Variants in ARFGEF3 observed in about 807,000 individuals in gnomAD.
The protein encoded by ARFGEF3 is ARFGEF family member 3.
Under a neutral mutation model 221.7 loss-of-function variants are expected in ARFGEF3, and 96 were observed. The ratio of observed to expected loss-of-function variants is 0.43; its 90% CI spans 0.37 to 0.51. The LOEUF (loss-of-function observed/expected upper bound fraction) is 0.51. Ranked by LOEUF, ARFGEF3 falls within the 20% of genes least tolerant of loss-of-function variation. ARFGEF3 has a pLI of 0.00. For synonymous variants in ARFGEF3, 1,145 were observed against 1,126.8 expected (o/e 1.02, Z -0.32); for missense variants, 2,410 against 2,789.9 (o/e 0.86, Z 3.07).
At chr6:138,212,292 C>CCAACT (rs1777744354) in intron 4 of ARFGEF3, among the ~76,000 whole-genome samples, 1 of 152,180 alleles carries the variant, frequency 6.6e-6, no homozygotes, top group African/African-American at 2.4e-5. Context: ...ATTTGGGAGG[C>CCAACT]CAAGGCAGGG....
intron 2 of ARFGEF3, among the ~76,000 whole-genome samples, chr6:138,193,305 C>T (rs892342210): frequency 6.6e-6 from 1 of 152,182 alleles, no homozygotes; most frequent in African/African-American, 2.4e-5. Context: ...TTTATGAAGA[C>T]ACTTGCATTT....
chr6:138,334,707 GC>G lies in ARFGEF3; in HGVS notation c.5862del (p.Phe1955SerfsTer23). Reference sequence around the variant, plus strand: ...GAGTCATCCACCCCATCCACCGGGGGCTTCTCTGGGAAAGAAACCCCTTCCG... The same window carrying G: ...GAGTCATCCACCCCATCCACCGGGGGTTCTCTGGGAAAGAAACCCCTTCCG... ...QSESSTPSTG[G>X]FSGKETPSED... On this transcript the variant is annotated frameshift_variant, in exon 33 of 34. Transcript: ENST00000251691. LOFTEE classifies it high-confidence loss of function. This position sits in a 1 kb window ranked among gnomAD's most constrained non-coding sequence, Gnocchi z 5.1. The G allele has an allele frequency of 6.2e-7, 1 of 1,610,318 alleles. No individual in the cohort carries two copies. Among genetic ancestry groups the G allele is most frequent in the Non-Finnish European group, 8.5e-7 (1 of 1,177,110 alleles).
At chr6:138,320,915 C>A (rs1780011933) in intron 28 of ARFGEF3, among the ~76,000 whole-genome samples, 196 bp from the exon 29 acceptor site, 1 of 142,412 alleles carries the variant, frequency 7.0e-6, no homozygotes, top group South Asian at 2.3e-4. Flanking sequence ...GGTAAAAATC[C>A]AAGAAAATTA....
chr6:138,268,240 T>C (rs938479872), intron 12 of ARFGEF3, among the ~76,000 whole-genome samples: 2 of 152,170 alleles, frequency 1.3e-5, no homozygotes, highest in African/African-American at 4.8e-5. Flanking sequence ...CCTTTGTTCC[T>C]CTAAGAGAAA....
intron 32 of ARFGEF3, 96 bp downstream of exon 32, chr6:138,328,238 A>G: frequency 7.3e-7 from 1 of 1,365,796 alleles, no homozygotes; most frequent in Non-Finnish European, 9.7e-7. Context: ...TTGGCCAGAA[A>G]TACTGAAAAC....
chr6:138,278,692 C>T, intron 13 of ARFGEF3, 75 bp downstream of exon 13: 1 of 1,505,750 alleles, frequency 6.6e-7, no homozygotes, highest in Middle Eastern at 1.8e-4. Flanking sequence ...GCCTCAGTGC[C>T]CTGAGTGGGA....
At chr6:138,310,962 C>T (rs1291537430) in intron 24 of ARFGEF3, among the ~76,000 whole-genome samples, 1 of 152,194 alleles carries the variant, frequency 6.6e-6, no homozygotes, top group Non-Finnish European at 1.5e-5. Context: ...GAGAGAAGCG[C>T]TTCATTCCAG....
chr6:138,194,465 T>A (rs1018218087), intron 2 of ARFGEF3, among the ~76,000 whole-genome samples: 1 of 152,138 alleles, frequency 6.6e-6, no homozygotes, highest in Non-Finnish European at 1.5e-5. Context: ...ATTTTCATCA[T>A]GAAAAAAATC....
intron 10 of ARFGEF3, among the ~76,000 whole-genome samples, chr6:138,258,212 T>G (rs1263700724): frequency 6.6e-6 from 1 of 152,226 alleles, no homozygotes; most frequent in Non-Finnish European, 1.5e-5. Context: ...GTGACTGATC[T>G]GCTTTGTTCA....
At chr6:138,251,001 C>T (rs1186440750) in intron 8 of ARFGEF3, among the ~76,000 whole-genome samples, 2 of 152,160 alleles carry the variant, frequency 1.3e-5, no homozygotes, top group Non-Finnish European at 2.9e-5. Flanking sequence ...AAGGTGCTTA[C>T]GTTTTAAACA....
At chr6:138,312,146 ACT>A (rs776543259) in intron 25 of ARFGEF3, among the ~76,000 whole-genome samples, 1 of 151,942 alleles carries the variant, frequency 6.6e-6, no homozygotes, top group Non-Finnish European at 1.5e-5. Flanking sequence ...ACAGAGCAAG[ACT>A]CTGTCTCAAA....
At chr6:138,215,544 C>T (rs1360393327) in intron 4 of ARFGEF3, among the ~76,000 whole-genome samples, 1 of 152,058 alleles carries the variant, frequency 6.6e-6, no homozygotes. Context: ...GTGAAATGAC[C>T]AGGGCAGTAT....
chr6:138,261,280 C>A (rs1338211559), intron 10 of ARFGEF3, among the ~76,000 whole-genome samples: 2 of 152,174 alleles, frequency 1.3e-5, no homozygotes. Context: ...TTTCAACAAT[C>A]CCTCTGATCA....
At chr6:138,245,174 C>T (rs967627769) in intron 7 of ARFGEF3, among the ~76,000 whole-genome samples, 42 of 152,050 alleles carry the variant, frequency 2.8e-4, no homozygotes, top group African/African-American at 5.1e-4. Flanking sequence ...TGGTGGCAGG[C>T]GCCTGTAATC....
intron 24 of ARFGEF3, 80 bp downstream of exon 24, chr6:138,308,941 A>G: frequency 1.3e-6 from 2 of 1,552,244 alleles, no homozygotes; most frequent in Non-Finnish European, 1.8e-6. Flanking sequence ...GACAGGGCCT[A>G]CTGACTGTCT....
chr6:138,276,135 T>C (rs996368283), intron 12 of ARFGEF3, among the ~76,000 whole-genome samples: 1 of 142,674 alleles, frequency 7.0e-6, no homozygotes, highest in Non-Finnish European at 1.5e-5. Context: ...ACTTGGCTGG[T>C]ATTGCCTGTG....
chr6:138,337,835 T>C lies in ARFGEF3; in HGVS notation c.*1349T>C, dbSNP rs1054124254. ...TGATTGAAAACTCCTCAATCAAGCT[T>C]ACTTACACACATTCTACAGAGTTAT... On this transcript the variant is annotated 3_prime_UTR_variant, in exon 34 of 34. Coordinates refer to ENST00000251691, the MANE Select transcript of ARFGEF3 (RefSeq NM_020340.5). The C allele has an allele frequency of 2.6e-5, 4 of 152,328 alleles. No individual in the cohort carries two copies. In the East Asian group the frequency reaches 7.7e-4, roughly 29 times the overall value. The allele number at this position is 152,328 out of a possible 1,614,324, so 9.4% of individuals were successfully genotyped here.
chr6:138,238,909 A>G (rs192597297), intron 6 of ARFGEF3, among the ~76,000 whole-genome samples: 1 of 152,176 alleles, frequency 6.6e-6, no homozygotes, highest in Non-Finnish European at 1.5e-5. Flanking sequence ...TCATACTGAA[A>G]ATTTTTATTA....
intron 8 of ARFGEF3, among the ~76,000 whole-genome samples, chr6:138,247,953 G>A (rs1410915087): frequency 6.6e-6 from 1 of 152,302 alleles, no homozygotes; most frequent in South Asian, 2.1e-4. Flanking sequence ...ACAGTAAAAG[G>A]GTGTTAGGAA....
Sources: gnomAD v4.1 joint callset for allele counts (sites outside exome capture counted in the v4.1 genomes callset) on GRCh38, gnomAD v4.1.1 for gene constraint, Gnocchi (gnomAD v3.1) non-coding constraint, MANE v1.5 for transcripts, NCBI Gene and HGNC (gene_info 2026-07-23, HGNC 2026-07-21) for gene names.